BLK: variants seen among roughly 807,000 people sequenced by gnomAD.
The protein encoded by BLK is tyrosine-protein kinase Blk.
Under a neutral mutation model 61.8 loss-of-function variants are expected in BLK, and 64 were observed. The ratio of observed to expected loss-of-function variants is 1.03; its 90% CI spans 0.85 to 1.27. BLK has a LOEUF of 1.27. Ranked by LOEUF, BLK falls within the 50% of genes most tolerant of loss-of-function variation. The pLI, the probability that BLK is intolerant of heterozygous loss-of-function variation, is 0.00. For synonymous variants in BLK, 351 were observed against 272.0 expected (o/e 1.29, Z -2.86); for missense variants, 853 against 660.5 (o/e 1.29, Z -3.19).
At chr8:11,501,864 C>A (rs925598877) in intron 1 of BLK, among the ~76,000 whole-genome samples, 7 of 152,194 alleles carry the variant, frequency 4.6e-5, no homozygotes, top group Non-Finnish European at 1.0e-4. Context: ...CTTTGTTGAA[C>A]TGGGTAGTAG....
intron 1 of BLK, among the ~76,000 whole-genome samples, chr8:11,525,725 A>C (rs1799627648): frequency 6.6e-6 from 1 of 152,184 alleles, no homozygotes; most frequent in African/African-American, 2.4e-5. Context: ...AGAAGCAAGG[A>C]ATGGAGCAGC....
At chr8:11,527,226 T>A (rs1455131337) in intron 1 of BLK, among the ~76,000 whole-genome samples, 2 of 152,194 alleles carry the variant, frequency 1.3e-5, no homozygotes, top group Admixed American at 6.5e-5. Context: ...TGGCTTGCAA[T>A]GCTCTTTTTA....
At chr8:11,523,513 A>C (rs1242735002) in intron 1 of BLK, among the ~76,000 whole-genome samples, 2 of 152,230 alleles carry the variant, frequency 1.3e-5, no homozygotes, top group Admixed American at 6.5e-5. Context: ...CGATGGCGCC[A>C]CTATACACCA....
In BLK at chr8:11,546,121, G is replaced by T. The variant is rs1303068973; in HGVS notation, c.175+18G>T. The T allele has an allele frequency of 6.2e-7, 1 of 1,614,080 alleles. No individual in the cohort carries two copies. Among genetic ancestry groups the T allele is most frequent in the Admixed American group, 1.7e-5 (1 of 60,022 alleles). On this transcript the variant is annotated intron_variant, in intron 3 of 12. Transcript: ENST00000259089. ...GGATGAAGGTAAGAAGGGTGGTTTG[G>T]GAAGCTGAGGCTCCACAGCCCTCTC...
chr8:11,544,409 C>T (rs1021457280), intron 2 of BLK, among the ~76,000 whole-genome samples: 6 of 152,208 alleles, frequency 3.9e-5, no homozygotes, highest in African/African-American at 1.2e-4. Flanking sequence ...TTTATCCTAA[C>T]AGGGACCTGA....
intron 2 of BLK, among the ~76,000 whole-genome samples, chr8:11,544,254 C>T (rs1037224894): frequency 4.6e-5 from 7 of 152,134 alleles, no homozygotes; most frequent in East Asian, 3.8e-4. Context: ...TTTGAGCATC[C>T]GTGCCGGGCC....
At chr8:11,544,190 C>G (rs1226432335) in intron 2 of BLK, among the ~76,000 whole-genome samples, 2 of 152,170 alleles carry the variant, frequency 1.3e-5, no homozygotes, top group African/African-American at 2.4e-5. Context: ...GTCTTGAACT[C>G]CTGACCTCAG....
At chr8:11,543,188 C>T (rs777280292) in intron 1 of BLK, 36 bp from the exon 2 acceptor site, 13 of 1,612,980 alleles carry the variant, frequency 8.1e-6, no homozygotes, top group Non-Finnish European at 1.1e-5. Context: ...AGGCCCCGCT[C>T]TCTCATGTCC....
intron 8 of BLK, 143 bp from the exon 9 acceptor site, chr8:11,556,515 A>T: frequency 1.0e-6 from 1 of 1,004,200 alleles, no homozygotes; most frequent in Admixed American, 1.9e-5. Flanking sequence ...GCACCACACA[A>T]CCATGGCCTC....
At chr8:11,528,285 C>G (rs558368041) in intron 1 of BLK, among the ~76,000 whole-genome samples, 20 of 152,290 alleles carry the variant, frequency 1.3e-4, no homozygotes, top group African/African-American at 3.6e-4. Flanking sequence ...GATCTCCCAC[C>G]TTGGCCTCCC....
At chr8:11,558,485 C>T (rs1201358174) in intron 10 of BLK, 1 of 369,792 alleles carries the variant, frequency 2.7e-6, no homozygotes, top group East Asian at 7.2e-5. Flanking sequence ...CTTTGCACAG[C>T]CCTGGCGTCG....
At chr8:11,552,375 A>G (rs1488123403) in intron 6 of BLK, 1 of 152,204 alleles carries the variant, frequency 6.6e-6, no homozygotes, top group Non-Finnish European at 1.5e-5. Context: ...ATATACATAC[A>G]TATACATACA....
intron 1 of BLK, among the ~76,000 whole-genome samples, chr8:11,538,875 G>C (rs982874579): frequency 6.6e-6 from 1 of 151,942 alleles, no homozygotes; most frequent in Non-Finnish European, 1.5e-5. Flanking sequence ...TCTGTTGCTG[G>C]GCAAATCACT....
intron 1 of BLK, among the ~76,000 whole-genome samples, chr8:11,518,816 A>G (rs1242396973): frequency 6.6e-6 from 1 of 152,034 alleles, no homozygotes; most frequent in Non-Finnish European, 1.5e-5. Context: ...AAGTGCAGGG[A>G]GCCTCTTTCT....
chr8:11,498,622 T>G (rs1798443958), intron 1 of BLK, among the ~76,000 whole-genome samples: 2 of 152,168 alleles, frequency 1.3e-5, no homozygotes, highest in Non-Finnish European at 2.9e-5. Context: ...CGGCTGGCCT[T>G]GTCAACCAGA....
chr8:11,543,019 G>T (rs1387725621), intron 1 of BLK, among the ~76,000 whole-genome samples: 3 of 152,234 alleles, frequency 2.0e-5, no homozygotes. Context: ...AGTGCTTTCT[G>T]CTGTATGGGC....
intron 1 of BLK, among the ~76,000 whole-genome samples, chr8:11,528,237 G>T (rs1014803160): frequency 2.0e-5 from 3 of 152,060 alleles, no homozygotes; most frequent in African/African-American, 7.2e-5. Context: ...GAGTCTTGCT[G>T]TGTTGTCCAG....
chr8:11,535,539 T>G (rs929035526), intron 1 of BLK, among the ~76,000 whole-genome samples: 15 of 152,218 alleles, frequency 9.9e-5, no homozygotes, highest in African/African-American at 3.1e-4. Flanking sequence ...TTTTCTAGTG[T>G]TCCCAGTTTC....
chr8:11,524,013 A>T (rs1199262175), intron 1 of BLK, among the ~76,000 whole-genome samples: 1 of 152,232 alleles, frequency 6.6e-6, no homozygotes, highest in Non-Finnish European at 1.5e-5. Flanking sequence ...GGTTATGGAA[A>T]CATAGCTTAA....
Sources: allele counts gnomAD v4.1 joint callset (sites outside exome capture counted in the v4.1 genomes callset), GRCh38; gene constraint gnomAD v4.1.1; transcripts MANE v1.5; gene names NCBI Gene and HGNC (gene_info 2026-07-23, HGNC 2026-07-21).